The following CACNA1A variants were observed in gnomAD, a reference collection of about 807,000 sequenced individuals.
CACNA1A encodes voltage-dependent P/Q-type calcium channel subunit alpha-1A.
CACNA1A carries 57 observed loss-of-function variants against 262.4 expected under a neutral mutation model. The ratio of observed to expected loss-of-function variants is 0.22; its 90% CI spans 0.18 to 0.27. The LOEUF is 0.27. Among genes scored for constraint, CACNA1A ranks in the 10% least tolerant of loss-of-function variants. The probability of loss-of-function intolerance (pLI) is 1.00; values close to 1 mark genes in which losing one functional copy is unlikely to be tolerated. For missense variants in CACNA1A, 2,526 were observed against 3,562.8 expected, an observed-to-expected ratio of 0.71 and a Z score of 7.41; for synonymous variants, 1,431 against 1,419.3, an observed-to-expected ratio of 1.01 and a Z score of -0.18.
rs2055898404 is a variant in CACNA1A at position 13,236,950 on chromosome 19, A to G, written c.4951-1220T>C. On this transcript the variant is annotated intron_variant, in intron 31 of 46. Coordinates refer to ENST00000360228, the MANE Select transcript of CACNA1A (RefSeq NM_001127222.2). This position sits in a 1 kb window ranked among gnomAD's most constrained non-coding sequence, Gnocchi z 4.6. ...GAGTGGGCCAAATCTAGCTAATAAA[A>G]CTGTTTTGTTGGGCCCGAGCAGTGT... is the stretch of plus-strand genomic sequence containing the variant. Among the ~76,000 whole-genome samples, 1 of 151,946 alleles carries G rather than the reference A, an allele frequency of 6.6e-6. No homozygotes were observed. Among genetic ancestry groups the G allele is most frequent in the Non-Finnish European group, 1.5e-5 (1 of 67,968 alleles).
chr19:13,346,273 T>C (rs918233814), intron 6 of CACNA1A, among the ~76,000 whole-genome samples: 1 of 152,002 alleles, frequency 6.6e-6, no homozygotes. Flanking sequence ...CCACTGGACA[T>C]CTGGGCAGCT....
chr19:13,480,104 G>A (rs1180637641), intron 1 of CACNA1A, among the ~76,000 whole-genome samples: 2 of 152,124 alleles, frequency 1.3e-5, no homozygotes, highest in Admixed American at 6.5e-5. Flanking sequence ...AGCATATTAC[G>A]TATTTGTAGC....
chr19:13,346,641 TATATATATATATATATATATATA>T (rs1350795188), intron 6 of CACNA1A, among the ~76,000 whole-genome samples: 10 of 15,114 alleles, frequency 6.6e-4, no homozygotes, highest in African/African-American at 1.5e-3. Flanking sequence ...TATATATATA[TATATATATATATATATATATATA>T]TATTTTTTTT....
chr19:13,245,578 G>A (rs1254836228), intron 30 of CACNA1A: 5 of 353,374 alleles, frequency 1.4e-5, no homozygotes, highest in African/African-American at 4.1e-5. Flanking sequence ...GAGGGCTCCC[G>A]AGACCCCAGG....
intron 3 of CACNA1A, among the ~76,000 whole-genome samples, chr19:13,422,233 A>G (rs2060327147): frequency 6.6e-6 from 1 of 152,136 alleles, no homozygotes; most frequent in Non-Finnish European, 1.5e-5. Flanking sequence ...AGGTGGGAGG[A>G]TCACTTGAGC....
chr19:13,451,566 T>A (rs1179506541), intron 3 of CACNA1A: 1 of 152,282 alleles, frequency 6.6e-6, no homozygotes, highest in Admixed American at 6.5e-5. Flanking sequence ...TCCCTTTTCT[T>A]CTAAGCACAA....
chr19:13,326,324 GA>G (rs2058361731), intron 10 of CACNA1A, among the ~76,000 whole-genome samples: 1 of 143,738 alleles, frequency 7.0e-6, no homozygotes, highest in Admixed American at 6.8e-5. Flanking sequence ...CAAAAAAAAA[GA>G]AAAAAAAGAA....
At chr19:13,427,112 T>C (rs988762289) in intron 3 of CACNA1A, among the ~76,000 whole-genome samples, 1 of 152,120 alleles carries the variant, frequency 6.6e-6, no homozygotes, top group African/African-American at 2.4e-5. Context: ...GGGGTGTTTA[T>C]CTTTACACAG....
At chr19:13,292,515 G>A (rs138780384) in intron 19 of CACNA1A, among the ~76,000 whole-genome samples, 2,559 of 152,194 alleles carry the variant, frequency 0.017, 33 homozygotes, top group Non-Finnish European at 0.028. Context: ...TCGGGAGGCT[G>A]AGGTGGGAGA....
chr19:13,372,378 G>C (rs2059338538), intron 3 of CACNA1A, among the ~76,000 whole-genome samples: 1 of 152,072 alleles, frequency 6.6e-6, no homozygotes. Context: ...CACCATGTTG[G>C]CCAGGCTGGT....
chr19:13,374,431 G>A (rs1385594906), intron 3 of CACNA1A, among the ~76,000 whole-genome samples: 1 of 151,862 alleles, frequency 6.6e-6, no homozygotes, highest in African/African-American at 2.4e-5. Flanking sequence ...AATTTTTTTT[G>A]TAGAGATGGG....
At chr19:13,305,681 C>CA (rs1294066832) in intron 15 of CACNA1A, among the ~76,000 whole-genome samples, 1 of 152,184 alleles carries the variant, frequency 6.6e-6, no homozygotes, top group Non-Finnish European at 1.5e-5. Context: ...TGCTTGCAGA[C>CA]ATTGCTACAT....
Position 13,435,650 on chromosome 19 carries a change from G to A in CACNA1A, c.539+17226C>T, listed in dbSNP as rs572349568. Among the ~76,000 whole-genome samples the A allele has an allele frequency of 3.3e-5, 5 of 152,196 alleles. No individual in the cohort carries two copies. In the South Asian group the frequency reaches 1.0e-3, roughly 32 times the overall value. On this transcript the variant is annotated intron_variant, in intron 3 of 46. Coordinates refer to ENST00000360228, the MANE Select transcript of CACNA1A (RefSeq NM_001127222.2). ...AATGAGATAATTTACTCAAGATATTGAGAATAGCACTAGGTACAAATTGTG... is the reference window on the plus strand; with the variant it reads ...AATGAGATAATTTACTCAAGATATTAAGAATAGCACTAGGTACAAATTGTG...
chr19:13,405,879 G>C (rs901328518), intron 3 of CACNA1A, among the ~76,000 whole-genome samples: 4 of 152,192 alleles, frequency 2.6e-5, no homozygotes, highest in Admixed American at 2.6e-4. Flanking sequence ...AGAGGGACTT[G>C]CTGACTGGCC....
At chr19:13,406,106 A>G (rs114011468) in intron 3 of CACNA1A, among the ~76,000 whole-genome samples, 6,056 of 152,010 alleles carry the variant, frequency 0.04, 259 homozygotes, top group East Asian at 0.13. Context: ...GCTTGAGGCC[A>G]GGAGTTTAAG....
At chr19:13,273,515 A>G (rs1170052682) in intron 24 of CACNA1A, 2 of 152,114 alleles carry the variant, frequency 1.3e-5, no homozygotes, top group Non-Finnish European at 2.9e-5. Flanking sequence ...ATTGATTTGT[A>G]ACTGCTTTTC....
chr19:13,318,127 A>AT (rs35082039), intron 10 of CACNA1A, among the ~76,000 whole-genome samples: 29,688 of 151,124 alleles, frequency 0.2, 3,495 homozygotes, highest in East Asian at 0.48. Context: ...TTAAATAACA[A>AT]TTTTTTTTTT....
intron 31 of CACNA1A, among the ~76,000 whole-genome samples, chr19:13,238,876 C>T (rs889202122): frequency 3.9e-5 from 6 of 151,952 alleles, no homozygotes; most frequent in African/African-American, 7.2e-5. Context: ...CTTGAGTCAC[C>T]GTGCTCAGCC....
chr19:13,466,847 A>T (rs1158690365), intron 1 of CACNA1A, among the ~76,000 whole-genome samples: 1 of 150,970 alleles, frequency 6.6e-6, no homozygotes, highest in Non-Finnish European at 1.5e-5. Context: ...ACGGTTTTCA[A>T]GAGTCCTTCC....
Sources: allele counts gnomAD v4.1 joint callset (sites outside exome capture counted in the v4.1 genomes callset), GRCh38; gene constraint gnomAD v4.1.1; non-coding constraint Gnocchi (gnomAD v3.1); transcripts MANE v1.5; gene names NCBI Gene and HGNC (gene_info 2026-07-23, HGNC 2026-07-21).